The following TTLL5 variants were observed in gnomAD, a reference collection of about 807,000 sequenced individuals.
TTLL5 encodes tubulin polyglutamylase TTLL5.
Under a neutral mutation model 168.4 loss-of-function variants are expected in TTLL5, and 132 were observed. The observed-to-expected ratio is 0.78, with a 90% CI of 0.68 to 0.91. The LOEUF is 0.91. Among genes scored for constraint, TTLL5 ranks in the 40% least tolerant of loss-of-function variants. TTLL5 has a pLI of 0.00. For missense variants in TTLL5, 1,545 were observed against 1,581.5 expected, an observed-to-expected ratio of 0.98 and a Z score of 0.39; for synonymous variants, 546 against 558.6, an observed-to-expected ratio of 0.98 and a Z score of 0.32.
Position 75,673,555 on chromosome 14 carries a change from T to A in TTLL5, c.181+4033T>A, listed in dbSNP as rs983559811. Among the ~76,000 whole-genome samples the A allele has an allele frequency of 7.9e-5, 12 of 152,356 alleles. No individual in the cohort carries two copies. The East Asian group carries it at 2.3e-3, about 29-fold the overall frequency. On this transcript the variant is annotated intron_variant, in intron 3 of 31. Transcript: ENST00000298832. Reference sequence around the variant, plus strand: ...TAGACTCTTTTAACCGGTTTCATTATTAGTAAAATCTTAACCAGTTTCATT... The same window carrying A: ...TAGACTCTTTTAACCGGTTTCATTAATAGTAAAATCTTAACCAGTTTCATT...
chr14:75,807,458 T>G lies in TTLL5; in HGVS notation c.3172-12549T>G, dbSNP rs1302307675. Among the ~76,000 whole-genome samples, 35 of 152,196 alleles carry G rather than the reference T, an allele frequency of 2.3e-4. 2 individuals carry two copies. Among genetic ancestry groups the G allele is most frequent in the Admixed American group, 2.2e-3 (34 of 15,286 alleles). On this transcript the variant is annotated intron_variant, in intron 27 of 31. Coordinates refer to ENST00000298832, the MANE Select transcript of TTLL5 (RefSeq NM_015072.5). ...AGACCCTGTGTCAAAATTTTTTCAT[T>G]GATAACACCATACCTGCCCTTCATA...
chr14:75,844,487 TA>T (rs1595138314), intron 28 of TTLL5, among the ~76,000 whole-genome samples: 1 of 152,332 alleles, frequency 6.6e-6, no homozygotes, highest in East Asian at 1.9e-4. Context: ...TGTTTCTCAT[TA>T]TAATTGTGGA....
At chr14:75,729,331 G>A (rs1232455614) in intron 12 of TTLL5, among the ~76,000 whole-genome samples, 3 of 152,060 alleles carry the variant, frequency 2.0e-5, no homozygotes, top group Non-Finnish European at 2.9e-5. Context: ...TAAAATTCTC[G>A]TTACTGCTGC....
intron 26 of TTLL5, among the ~76,000 whole-genome samples, chr14:75,785,742 GCCAATATCACATTGTCT>G (rs538196364): frequency 7.9e-4 from 121 of 152,264 alleles, no homozygotes; most frequent in African/African-American, 2.6e-3. Context: ...CTGACCTTAT[GCCAATATCACATTGTCT>G]TGATTGCTAC....
chr14:75,833,101 A>G (rs1462839039), intron 28 of TTLL5, among the ~76,000 whole-genome samples: 1 of 152,032 alleles, frequency 6.6e-6, no homozygotes, highest in African/African-American at 2.4e-5. Flanking sequence ...GCCAAGCCCC[A>G]TGCCCTTATC....
chr14:75,849,031 G>A (rs1342781648), intron 28 of TTLL5, among the ~76,000 whole-genome samples: 3 of 152,154 alleles, frequency 2.0e-5, no homozygotes, highest in Non-Finnish European at 4.4e-5. Flanking sequence ...CCAGCTGGCT[G>A]GAATCTCATT....
chr14:75,942,797 T>C (rs1308390207), intron 31 of TTLL5, among the ~76,000 whole-genome samples: 1 of 152,208 alleles, frequency 6.6e-6, no homozygotes, highest in Non-Finnish European at 1.5e-5. Flanking sequence ...GAAGTATAAG[T>C]GTGTTTGTTG....
intron 27 of TTLL5, among the ~76,000 whole-genome samples, chr14:75,806,474 C>CT: frequency 2.0e-5 from 3 of 152,340 alleles, no homozygotes; most frequent in Middle Eastern, 3.4e-3. Flanking sequence ...CTCCAGGCTA[C>CT]TTTTCCAGCC....
At chr14:75,842,680 A>G (rs1460745241) in intron 28 of TTLL5, among the ~76,000 whole-genome samples, 1 of 152,200 alleles carries the variant, frequency 6.6e-6, no homozygotes, top group African/African-American at 2.4e-5. Flanking sequence ...TGTACTTTTA[A>G]TGTAAAATGT....
intron 6 of TTLL5, among the ~76,000 whole-genome samples, chr14:75,695,659 A>G (rs189814229): frequency 6.6e-6 from 1 of 152,226 alleles, no homozygotes; most frequent in African/African-American, 2.4e-5. Context: ...AGACCGGCCA[A>G]CACTTAGGGA....
At chr14:75,876,537 C>A (rs535274824) in intron 29 of TTLL5, among the ~76,000 whole-genome samples, 3 of 152,172 alleles carry the variant, frequency 2.0e-5, no homozygotes, top group Admixed American at 2.0e-4. Context: ...GGAAGGCTTC[C>A]GACACCTTTG....
rs555674218 is a variant in TTLL5 at position 75,813,397 on chromosome 14, G to C, written c.3172-6610G>C. Among the ~76,000 whole-genome samples, 50 of 151,782 alleles carry C rather than the reference G, an allele frequency of 3.3e-4. 1 individual carries two copies. Among genetic ancestry groups the C allele is most frequent in the Non-Finnish European group, 6.5e-4 (44 of 67,958 alleles). Reference sequence around the variant, plus strand: ...GCTCACTGCAGTCTCAACCTCCTGCGCTCAAGCAATCCTTCCCACCTCAGC... The same window carrying C: ...GCTCACTGCAGTCTCAACCTCCTGCCCTCAAGCAATCCTTCCCACCTCAGC... On this transcript the variant is annotated intron_variant, in intron 27 of 31. Transcript: ENST00000298832.
Position 75,686,621 on chromosome 14 carries a change from CT to C in TTLL5, c.371+2966del, listed in dbSNP as rs201534388. Among the ~76,000 whole-genome samples the C allele has an allele frequency of 9.3e-3, 1,415 of 152,306 alleles. 28 individuals carry two copies. Among genetic ancestry groups the C allele is most frequent in the African/African-American group, 0.032 (1,344 of 41,556 alleles). On this transcript the variant is annotated intron_variant, in intron 5 of 31. Coordinates refer to ENST00000298832, the MANE Select transcript of TTLL5 (RefSeq NM_015072.5). ...AAAAATATGCTAAATGCTTTTCCCCCTAAAACCAAATTAAGATAACATCTCA... is the reference window on the plus strand; with the variant it reads ...AAAAATATGCTAAATGCTTTTCCCCCAAAACCAAATTAAGATAACATCTCA...
At chr14:75,917,200 G>T (rs2033648516) in intron 31 of TTLL5, among the ~76,000 whole-genome samples, 1 of 152,152 alleles carries the variant, frequency 6.6e-6, no homozygotes, top group Admixed American at 6.5e-5. Context: ...CATGTATTTT[G>T]CCACAATTTT....
intron 31 of TTLL5, among the ~76,000 whole-genome samples, chr14:75,912,078 AG>A (rs2033412844): frequency 6.6e-6 from 1 of 152,126 alleles, no homozygotes. Flanking sequence ...TCCCGTGGCC[AG>A]GTCATTTGCT....
chr14:75,903,997 A>C (rs2033037213), intron 31 of TTLL5: 1 of 719,954 alleles, frequency 1.4e-6, no homozygotes, highest in Admixed American at 5.7e-5. Context: ...AGCAATATAT[A>C]GGGAAGGCGC....
At chr14:75,867,495 C>T (rs1180498073) in intron 29 of TTLL5, among the ~76,000 whole-genome samples, 2 of 152,196 alleles carry the variant, frequency 1.3e-5, no homozygotes, top group East Asian at 1.9e-4. Flanking sequence ...GGCGTGGTGG[C>T]TTATGCCTGT....
intron 27 of TTLL5, among the ~76,000 whole-genome samples, chr14:75,797,120 G>T (rs1190037720): frequency 6.6e-6 from 1 of 152,078 alleles, no homozygotes; most frequent in African/African-American, 2.4e-5. Flanking sequence ...AGTTTTCCTT[G>T]TAGAGGTCTT....
chr14:75,707,932 G>A (rs1186543949), intron 9 of TTLL5, among the ~76,000 whole-genome samples: 1 of 152,194 alleles, frequency 6.6e-6, no homozygotes, highest in Admixed American at 6.5e-5. Flanking sequence ...TAGTCTCACT[G>A]CATGTCCACA....
Sources: allele counts gnomAD v4.1 joint callset (sites outside exome capture counted in the v4.1 genomes callset), GRCh38; gene constraint gnomAD v4.1.1; transcripts MANE v1.5; gene names NCBI Gene and HGNC (gene_info 2026-07-23, HGNC 2026-07-21).